SPIRE1: variants seen among roughly 807,000 people sequenced by gnomAD.
SPIRE1 encodes protein spire homolog 1.
In SPIRE1, 40 loss-of-function variants were observed where a neutral mutation model predicts 94.1. That is an observed-to-expected ratio of 0.43 (90% CI 0.33 to 0.55). The LOEUF (loss-of-function observed/expected upper bound fraction) is 0.55. Among genes scored for constraint, SPIRE1 ranks in the 20% least tolerant of loss-of-function variants. The pLI is 0.06. For synonymous variants in SPIRE1, 376 were observed against 371.7 expected, an observed-to-expected ratio of 1.01 and a Z score of -0.13; for missense variants, 838 against 975.2, an observed-to-expected ratio of 0.86 and a Z score of 1.87.
chr18:12,627,034 T>C (rs1305088448), intron 2 of SPIRE1, among the ~76,000 whole-genome samples: 1 of 151,882 alleles, frequency 6.6e-6, no homozygotes, highest in African/African-American at 2.4e-5. Context: ...AAATATTCTT[T>C]TGCTTCAGAG....
chr18:12,533,614 A>G (rs1209582917), intron 4 of SPIRE1, among the ~76,000 whole-genome samples: 2 of 152,194 alleles, frequency 1.3e-5, no homozygotes, highest in Non-Finnish European at 2.9e-5. Context: ...AGTTTCTAAG[A>G]ATGCCAGTGT....
intron 2 of SPIRE1, among the ~76,000 whole-genome samples, chr18:12,608,828 G>T (rs533946895): frequency 6.6e-6 from 1 of 152,146 alleles, no homozygotes; most frequent in Non-Finnish European, 1.5e-5. Flanking sequence ...AATACCCTCT[G>T]TTTACAAAGA....
chr18:12,615,335 A>T (rs1294321994), intron 2 of SPIRE1, among the ~76,000 whole-genome samples: 1 of 39,918 alleles, frequency 2.5e-5, no homozygotes, highest in Non-Finnish European at 8.0e-5. Flanking sequence ...CTCAAAAAAA[A>T]AAAAAAAAAA....
intron 3 of SPIRE1, among the ~76,000 whole-genome samples, chr18:12,544,613 G>A (rs1031599244): frequency 6.6e-6 from 1 of 151,750 alleles, no homozygotes; most frequent in African/African-American, 2.4e-5. Context: ...CCAAAGTGGT[G>A]GGATTACAGG....
intron 2 of SPIRE1, among the ~76,000 whole-genome samples, chr18:12,572,607 T>C (rs1393951604): frequency 6.6e-6 from 1 of 152,014 alleles, no homozygotes; most frequent in Non-Finnish European, 1.5e-5. Flanking sequence ...AGACCCTGTC[T>C]CGAAAACAAA....
chr18:12,530,359 C>T (rs920764618), intron 4 of SPIRE1, among the ~76,000 whole-genome samples: 1 of 152,112 alleles, frequency 6.6e-6, no homozygotes, highest in African/African-American at 2.4e-5. Context: ...ACATGTCTTG[C>T]CTCCTCCCCG....
chr18:12,581,218 C>T (rs2036249620), intron 2 of SPIRE1, among the ~76,000 whole-genome samples: 1 of 152,106 alleles, frequency 6.6e-6, no homozygotes, highest in Non-Finnish European at 1.5e-5. Flanking sequence ...GAGCGCAAAG[C>T]AATCATGGCA....
chr18:12,576,360 G>C (rs912254030), intron 2 of SPIRE1, among the ~76,000 whole-genome samples: 3 of 151,940 alleles, frequency 2.0e-5, no homozygotes, highest in Non-Finnish European at 4.4e-5. Flanking sequence ...CACTTTGGGA[G>C]GCTGAGACGG....
At chr18:12,602,945 C>T (rs1178706053) in intron 2 of SPIRE1, among the ~76,000 whole-genome samples, 2 of 152,162 alleles carry the variant, frequency 1.3e-5, no homozygotes, top group African/African-American at 4.8e-5. Context: ...TGTAGGTAAA[C>T]ATTTTAGTAT....
chr18:12,574,193 G>C (rs977148668), intron 2 of SPIRE1, among the ~76,000 whole-genome samples: 1 of 152,106 alleles, frequency 6.6e-6, no homozygotes, highest in Non-Finnish European at 1.5e-5. Flanking sequence ...TATACTTTCT[G>C]AACAATTTTT....
chr18:12,533,221 T>G (rs1296063426), intron 4 of SPIRE1, among the ~76,000 whole-genome samples: 2 of 152,296 alleles, frequency 1.3e-5, no homozygotes, highest in East Asian at 3.9e-4. Context: ...GAGTGAGAGA[T>G]GTGGCTGGAG....
intron 2 of SPIRE1, among the ~76,000 whole-genome samples, chr18:12,618,170 C>T (rs1054369137): frequency 5.9e-5 from 9 of 151,988 alleles, no homozygotes; most frequent in South Asian, 2.1e-4. Context: ...GGTGCGATCT[C>T]GGCTCCCTGC....
chr18:12,519,824 A>C (rs1479894656), intron 4 of SPIRE1, among the ~76,000 whole-genome samples: 29 of 152,238 alleles, frequency 1.9e-4, no homozygotes, highest in Admixed American at 1.9e-3. Context: ...ATAGCCTCAC[A>C]CATTGCTAAG....
At chr18:12,450,294 G>A (rs1375397455) in intron 16 of SPIRE1, among the ~76,000 whole-genome samples, 1 of 152,078 alleles carries the variant, frequency 6.6e-6, no homozygotes, top group African/African-American at 2.4e-5. Flanking sequence ...GGGAGGTGAA[G>A]GTTGCAGTGA....
intron 1 of SPIRE1, among the ~76,000 whole-genome samples, chr18:12,639,743 A>AT (rs1462899754): frequency 6.6e-6 from 1 of 151,754 alleles, no homozygotes; most frequent in Non-Finnish European, 1.5e-5. Context: ...AAATAAATAA[A>AT]TAAATAAATA....
intron 6 of SPIRE1, among the ~76,000 whole-genome samples, 173 bp from the exon 7 acceptor site, chr18:12,496,275 T>C (rs979119755): frequency 3.3e-5 from 5 of 152,194 alleles, no homozygotes; most frequent in African/African-American, 1.2e-4. Context: ...GAGGAAAGAC[T>C]GTGAAATTGA....
intron 1 of SPIRE1, among the ~76,000 whole-genome samples, chr18:12,641,877 G>A (rs977212637): frequency 7.0e-6 from 1 of 142,860 alleles, no homozygotes; most frequent in African/African-American, 2.7e-5. Flanking sequence ...CTGTCGCCCA[G>A]GCTGGAGTGC....
At chr18:12,493,015 A>C (rs2033296541) in intron 8 of SPIRE1, 57 bp downstream of exon 8, 2 of 1,536,732 alleles carry the variant, frequency 1.3e-6, no homozygotes, top group Non-Finnish European at 1.7e-6. Context: ...CTGGGTGTAT[A>C]AAGATCCTTT....
intron 2 of SPIRE1, among the ~76,000 whole-genome samples, chr18:12,607,610 C>T (rs879548688): frequency 0.019 from 2,804 of 149,302 alleles, 38 homozygotes; most frequent in Non-Finnish European, 0.029. Flanking sequence ...CACACACACA[C>T]ACACACACAC....
Sources: gnomAD v4.1 joint callset for allele counts (sites outside exome capture counted in the v4.1 genomes callset) on GRCh38, gnomAD v4.1.1 for gene constraint, MANE v1.5 for transcripts, NCBI Gene and HGNC (gene_info 2026-07-23, HGNC 2026-07-21) for gene names.